Variants in CHD7 observed in about 807,000 individuals in gnomAD.
CHD7 encodes the protein ATP-dependent chromatin remodeler CHD7.
CHD7 carries 24 observed loss-of-function variants against 307.3 expected under a neutral mutation model. The ratio of observed to expected loss-of-function variants is 0.08; its 90% CI spans 0.06 to 0.11. The LOEUF is 0.11. Among genes scored for constraint, CHD7 ranks in the 10% least tolerant of loss-of-function variants. The pLI is 1.00. For missense variants in CHD7, 3,106 were observed against 3,727.1 expected, an observed-to-expected ratio of 0.83 and a Z score of 4.34; for synonymous variants, 1,363 against 1,349.9, an observed-to-expected ratio of 1.01 and a Z score of -0.21.
chr8:60,822,915 A>T lies in CHD7; in HGVS notation c.3201+169A>T, dbSNP rs376805177. Among the ~76,000 whole-genome samples the T allele has an allele frequency of 2.1e-3, 325 of 152,336 alleles. 4 individuals carry two copies. The highest frequency in any genetic ancestry group is 7.5e-3 in the African/African-American group (310 of 41,576). On this transcript the variant is annotated intron_variant, in intron 12 of 37. Coordinates refer to ENST00000423902, the MANE Select transcript of CHD7 (RefSeq NM_017780.4). ...TGTATTATCTTTCTGTGTCTATGAA[A>T]ACAGCTCTTCATTTTTATAGCTTTG...
chr8:60,828,512 G>A, intron 13 of CHD7, 151 bp from the exon 14 acceptor site: 1 of 674,260 alleles, frequency 1.5e-6, no homozygotes, highest in Non-Finnish European at 2.4e-6. Context: ...CAGAAATCGT[G>A]TTCTAATACC....
intron 3 of CHD7, among the ~76,000 whole-genome samples, chr8:60,786,160 G>A (rs963002585): frequency 1.3e-5 from 2 of 152,124 alleles, no homozygotes; most frequent in Admixed American, 6.6e-5. Flanking sequence ...TTTAAATCCC[G>A]AATCCTTCTT....
chr8:60,862,002 T>A (rs1177029881), intron 35 of CHD7, 194 bp from the exon 36 acceptor site: 1 of 441,278 alleles, frequency 2.3e-6, no homozygotes, highest in African/African-American at 2.0e-5. Context: ...CTCACTTATG[T>A]ATTCCTTAAT....
At chr8:60,851,919 A>C (rs1241095908) in intron 28 of CHD7, 100 bp from the exon 29 acceptor site, 1 of 754,236 alleles carries the variant, frequency 1.3e-6, no homozygotes, top group African/African-American at 1.8e-5. Flanking sequence ...CCTTTCCCAC[A>C]CTGTCATTTG....
chr8:60,794,020 G>C (rs1329089954), intron 3 of CHD7, among the ~76,000 whole-genome samples: 1 of 152,150 alleles, frequency 6.6e-6, no homozygotes, highest in Non-Finnish European at 1.5e-5. Flanking sequence ...CACTTGAGAG[G>C]CTGAGGCAGG....
At chr8:60,777,917 T>C (rs963992185) in intron 2 of CHD7, among the ~76,000 whole-genome samples, 1 of 152,180 alleles carries the variant, frequency 6.6e-6, no homozygotes, top group African/African-American at 2.4e-5. Flanking sequence ...AAAAATACCT[T>C]TGGTATCTAA....
At chr8:60,858,952 T>C (rs1805841624) in intron 34 of CHD7, among the ~76,000 whole-genome samples, 1 of 152,242 alleles carries the variant, frequency 6.6e-6, no homozygotes, top group Admixed American at 6.5e-5. Context: ...TAGGAATTAA[T>C]AATGCAACAC....
At chr8:60,861,233 A>AT in intron 35 of CHD7, 108 bp downstream of exon 35, 1 of 809,040 alleles carries the variant, frequency 1.2e-6, no homozygotes, top group Admixed American at 2.8e-5. Context: ...TTTTCCTTGA[A>AT]TGTTTCCTGG....
At chr8:60,726,384 A>C (rs530197348) in intron 1 of CHD7, among the ~76,000 whole-genome samples, 1 of 152,332 alleles carries the variant, frequency 6.6e-6, no homozygotes, top group South Asian at 2.1e-4. Flanking sequence ...AAGTAACTGG[A>C]TCAAGGCCAC....
intron 3 of CHD7, among the ~76,000 whole-genome samples, chr8:60,787,503 A>T (rs1365830729): frequency 6.6e-6 from 1 of 152,116 alleles, no homozygotes; most frequent in Non-Finnish European, 1.5e-5. Context: ...TGTAGTGTCT[A>T]ATTGGTTTAA....
chr8:60,683,704 C>T (rs2150474919), intron 1 of CHD7, among the ~76,000 whole-genome samples: 1 of 152,324 alleles, frequency 6.6e-6, no homozygotes. Flanking sequence ...CAGAGCTTAT[C>T]TCAGTTACAG....
In CHD7 at chr8:60,781,143, C is replaced by A. The variant is rs1195342247; in HGVS notation, c.1809C>A (p.Asn603Lys). ...QPQQKKKKKK[N>K]NHIVAEDPSK... ...AACAAAAGAAGAAGAAAAAGAAAAA[C>A]AACCACATTGTAGCAGAGGATCCCA... The change falls in exon 3 of 38, where the codon AAC becomes AAA. Residue 603 changes from asparagine to lysine, a missense_variant. Around this residue, in one of 10 missense-constraint regions of CHD7, gnomAD observed 998 missense variants for 1,004.5 expected, o/e 0.99. Coordinates refer to ENST00000423902, the MANE Select transcript of CHD7 (RefSeq NM_017780.4). The A allele has an allele frequency of 6.2e-7, 1 of 1,609,470 alleles. No individual in the cohort carries two copies. The highest frequency in any genetic ancestry group is 8.5e-7 in the Non-Finnish European group (1 of 1,177,870).
chr8:60,834,117 T>G (rs542293506), intron 15 of CHD7, among the ~76,000 whole-genome samples: 13 of 152,350 alleles, frequency 8.5e-5, no homozygotes, highest in African/African-American at 2.9e-4. Flanking sequence ...AAATTATTTT[T>G]TTAATCTCTG....
rs1805506138 is a variant in CHD7, at chr8:60,852,679, T to G, written c.6076T>G (p.Cys2026Gly). The G allele has an allele frequency of 1.2e-6, 2 of 1,613,990 alleles. No homozygotes were observed. Among genetic ancestry groups the G allele is most frequent in the Non-Finnish European group, 1.7e-6 (2 of 1,179,888 alleles). The stretch of plus-strand genomic sequence containing the variant: ...TTTTGTGGCCATGTGTAGGCGAGTA[T>G]GTCGAATGCCCGTCAAGCCAGATGA... ...SCFVAMCRRV[C>G]RMPVKPDDEP... Residue 2026 changes from cysteine to glycine, a missense_variant, in exon 30 of 38, where the codon TGT (cysteine) becomes GGT (glycine). Physicochemically the swap from Cys to Gly is radical, Grantham distance 159. Around this residue, in one of 10 missense-constraint regions of CHD7, gnomAD observed 1,030 missense variants for 1,165.4 expected, o/e 0.88. Coordinates refer to ENST00000423902, the MANE Select transcript of CHD7 (RefSeq NM_017780.4).
At chr8:60,846,217 A>G (rs1407712171) in intron 23 of CHD7, among the ~76,000 whole-genome samples, 2 of 152,204 alleles carry the variant, frequency 1.3e-5, no homozygotes, top group Non-Finnish European at 2.9e-5. Context: ...AGTCAGCATT[A>G]TATGATCCCA....
At chr8:60,788,797 G>C (rs1299854146) in intron 3 of CHD7, among the ~76,000 whole-genome samples, 1 of 152,036 alleles carries the variant, frequency 6.6e-6, no homozygotes, top group Non-Finnish European at 1.5e-5. Flanking sequence ...TTGACCTCTG[G>C]GTTTATTATC....
At position 60,840,743 on chromosome 8, in the gene CHD7, G is replaced by A. The variant is rs536221526; in HGVS notation, c.4534-901G>A. Among the ~76,000 whole-genome samples the A allele has an allele frequency of 8.8e-4, 133 of 151,638 alleles. 1 individual carries two copies. The highest frequency in any genetic ancestry group is 3.1e-3 in the African/African-American group (126 of 41,280). On this transcript the variant is annotated intron_variant, in intron 19 of 37. Coordinates refer to ENST00000423902, the MANE Select transcript of CHD7 (RefSeq NM_017780.4). ...AGCAATTCTCTTGCCTCAGCTTCCC[G>A]AGTAGCTGGGATTACAGGTGTGCAC...
rs746225415 is a variant in CHD7, at chr8:60,856,519, A to T, written c.7239A>T (p.Arg2413Ser). The change falls in exon 34 of 38, where the codon AGA becomes AGT. Residue 2413 changes from arginine to serine, a missense_variant. Arg to Ser is a moderately radical substitution (Grantham distance 110). Transcript: ENST00000423902. ...RRRKIEIEAE[R>S]AAKRRNLMEM... ...GAAAAATCGAAATTGAGGCCGAAAG[A>T]GCTGCCAAGAGGCGAAATCTCATGG... 2.5e-6 allele frequency: 4 copies of T among 1,614,018 alleles called. No homozygotes were observed. Among genetic ancestry groups the T allele is most frequent in the Non-Finnish European group, 3.4e-6 (4 of 1,179,878 alleles).
chr8:60,821,174 T>C (rs575501204), intron 9 of CHD7, among the ~76,000 whole-genome samples: 2 of 152,340 alleles, frequency 1.3e-5, no homozygotes, highest in South Asian at 4.1e-4. Context: ...CAGCCAATTA[T>C]GTAAACATTG....
Sources: gnomAD v4.1 joint callset for allele counts (sites outside exome capture counted in the v4.1 genomes callset) on GRCh38, gnomAD v4.1.1 for gene constraint, gnomAD v4.1.1 regional missense constraint, MANE v1.5 for transcripts, NCBI Gene and HGNC (gene_info 2026-07-23, HGNC 2026-07-21) for gene names.